BPIFA3: variants seen among roughly 807,000 people sequenced by gnomAD.
The protein encoded by BPIFA3 is BPI fold-containing family A member 3.
In BPIFA3, 32 loss-of-function variants were observed where a neutral mutation model predicts 29.7. The ratio of observed to expected loss-of-function variants is 1.08; its 90% CI spans 0.81 to 1.45. The LOEUF (loss-of-function observed/expected upper bound fraction) is 1.45, where lower values mean the gene tolerates loss of function less well. BPIFA3 is among the 40% of genes most tolerant of loss of function. The pLI is 0.00. For synonymous variants in BPIFA3, 112 were observed against 113.7 expected (o/e 0.98, Z 0.10); for missense variants, 323 against 311.3 (o/e 1.04, Z -0.28).
intron 1 of BPIFA3, among the ~76,000 whole-genome samples, chr20:33,219,054 T>C (rs908898649): frequency 6.6e-6 from 1 of 152,110 alleles, no homozygotes; most frequent in Non-Finnish European, 1.5e-5. Context: ...TACAGGTGCA[T>C]GCCACCATGC....
In BPIFA3 at chr20:33,226,967, A is replaced by G; in HGVS notation, c.659A>G (p.Asp220Gly). 6.2e-7 allele frequency: 1 copy of G among 1,614,078 alleles called. No individual in the cohort carries two copies. Among genetic ancestry groups the G allele is most frequent in the Non-Finnish European group, 8.5e-7 (1 of 1,179,968 alleles). Reference protein sequence around the residue: ...PLIGEILGQLDVKLLKSLIEQ... With the variant: ...PLIGEILGQLGVKLLKSLIEQ... ...ATCGGTGAAATCCTCGGGCAGCTGG[A>G]TGTGAAACTGTTGAAAAGCCTCATA... The change falls in exon 6 of 7, where the codon GAT becomes GGT. Residue 220 changes from aspartate to glycine, a missense_variant. Asp to Gly is a moderately conservative substitution (Grantham distance 94). Coordinates refer to ENST00000375454, the MANE Select transcript of BPIFA3 (RefSeq NM_178466.5).
At position 33,227,010 on chromosome 20, in the gene BPIFA3, T is replaced by A. The variant is rs1985814181; in HGVS notation, c.685+17T>A. ...GCCTCATAGGTGAGTGTCTGGTCCATCCAGTGAGGACTTCTTAGGACTGGC... is the reference window on the plus strand; with the variant it reads ...GCCTCATAGGTGAGTGTCTGGTCCAACCAGTGAGGACTTCTTAGGACTGGC... On this transcript the variant is annotated intron_variant, in intron 6 of 6. Coordinates refer to ENST00000375454, the MANE Select transcript of BPIFA3 (RefSeq NM_178466.5). 6.2e-7 allele frequency: 1 copy of A among 1,608,810 alleles called. No individual in the cohort carries two copies. Among genetic ancestry groups the A allele is most frequent in the South Asian group, 1.1e-5 (1 of 90,974 alleles).
chr20:33,223,639 C>A, intron 1 of BPIFA3, 172 bp from the exon 2 acceptor site: 1 of 687,990 alleles, frequency 1.5e-6, no homozygotes, highest in Non-Finnish European at 2.4e-6. Context: ...ATCAATCTTG[C>A]AAAGCATAAT....
intron 1 of BPIFA3, among the ~76,000 whole-genome samples, chr20:33,218,516 G>T (rs1040016126): frequency 6.6e-6 from 1 of 152,192 alleles, no homozygotes; most frequent in African/African-American, 2.4e-5. Flanking sequence ...AGTTCTGGAG[G>T]CTGGAAGTCC....
At position 33,224,020 on chromosome 20, in the gene BPIFA3, G is replaced by A. The variant is rs1985657313; in HGVS notation, c.278+59G>A. The stretch of plus-strand genomic sequence containing the variant: ...CTCTTTATAGAGCTCTAGATCGAAG[G>A]GTAGAGCTGATGGGGGGCTGGGGAG... On this transcript the variant is annotated intron_variant, in intron 2 of 6. Transcript: ENST00000375454. 1.9e-6 allele frequency: 3 copies of A among 1,577,986 alleles called. No homozygotes were observed. The South Asian group carries it at 3.4e-5, about 18-fold the overall frequency.
intron 6 of BPIFA3, 69 bp downstream of exon 6, chr20:33,227,062 C>A: frequency 1.4e-6 from 2 of 1,432,630 alleles, no homozygotes; most frequent in East Asian, 4.5e-5. Context: ...TACCCCCGGC[C>A]CTGGAGCCCC....
rs1985311155 is a variant in BPIFA3, at chr20:33,217,536, T to C, written c.-1T>C. 1 of 1,613,844 alleles carries C rather than the reference T, an allele frequency of 6.2e-7. No homozygotes were observed. The highest frequency in any genetic ancestry group is 1.7e-5 in the Admixed American group (1 of 59,988). On this transcript the variant is annotated 5_prime_UTR_variant, in exon 1 of 7. Coordinates refer to ENST00000375454, the MANE Select transcript of BPIFA3 (RefSeq NM_178466.5). ...CTTGACATCTGCAGGTCCCAGACCC[T>C]ATGATGTGTCCACTCTGGAGGCTCC... is the stretch of plus-strand genomic sequence containing the variant.
intron 1 of BPIFA3, among the ~76,000 whole-genome samples, 159 bp downstream of exon 1, chr20:33,217,822 G>C (rs1447458091): frequency 1.3e-5 from 2 of 152,188 alleles, no homozygotes; most frequent in African/African-American, 4.8e-5. Context: ...AGGTTGTGTT[G>C]ATCATATGCC....
chr20:33,225,262 G>GC lies in BPIFA3; in HGVS notation c.536+19dup. ...ATCCTCACTGAGTAAGACCCCAGCTGCCCCTCCCCAGAGCTGGGCCTCCTT... is the reference window on the plus strand; with the variant it reads ...ATCCTCACTGAGTAAGACCCCAGCTGCCCCCTCCCCAGAGCTGGGCCTCCTT... On this transcript the variant is annotated intron_variant, in intron 4 of 6. Coordinates refer to ENST00000375454, the MANE Select transcript of BPIFA3 (RefSeq NM_178466.5). The GC allele has an allele frequency of 6.2e-7, 1 of 1,612,908 alleles. No individual in the cohort carries two copies. Among genetic ancestry groups the GC allele is most frequent in the Non-Finnish European group, 8.5e-7 (1 of 1,179,880 alleles).
At chr20:33,226,307 G>T in intron 4 of BPIFA3, 99 bp from the exon 5 acceptor site, 1 of 851,314 alleles carries the variant, frequency 1.2e-6, no homozygotes, top group Non-Finnish European at 1.9e-6. Context: ...GCTGAGTGAG[G>T]ACTAAAAGAC....
intron 1 of BPIFA3, among the ~76,000 whole-genome samples, chr20:33,222,515 A>G (rs922400262): frequency 2.0e-5 from 3 of 152,168 alleles, no homozygotes; most frequent in Admixed American, 6.5e-5. Context: ...GATGAGGAAA[A>G]TAGAATGAAT....
intron 5 of BPIFA3, 115 bp downstream of exon 5, chr20:33,226,605 T>C (rs1268693178): frequency 2.5e-6 from 2 of 800,112 alleles, no homozygotes; most frequent in Non-Finnish European, 4.0e-6. Flanking sequence ...GCTTGAAAAA[T>C]CTCAATTTAA....
intron 3 of BPIFA3, among the ~76,000 whole-genome samples, 183 bp downstream of exon 3, chr20:33,224,645 C>T (rs765468852): frequency 6.6e-6 from 1 of 152,154 alleles, no homozygotes; most frequent in Non-Finnish European, 1.5e-5. Flanking sequence ...AATATGATGA[C>T]AATCATTAGT....
In BPIFA3 at chr20:33,227,716, A is replaced by T; in HGVS notation, c.*99A>T. On this transcript the variant is annotated 3_prime_UTR_variant, in exon 7 of 7. Transcript: ENST00000375454. ...AAAAACTTTACCCCAGGCTCTGTGG[A>T]CATACCATCCTCTCCTACAATAAAC... 1 of 957,138 alleles carries T rather than the reference A, an allele frequency of 1.0e-6. No individual in the cohort carries two copies. The highest frequency in any genetic ancestry group is 1.4e-5 in the South Asian group (1 of 69,782). 59.3% of individuals were successfully genotyped at this position (957,138 alleles called of 1,614,324 possible).
intron 1 of BPIFA3, among the ~76,000 whole-genome samples, chr20:33,219,555 T>C (rs1985414827): frequency 6.6e-6 from 1 of 152,252 alleles, no homozygotes; most frequent in African/African-American, 2.4e-5. Context: ...CTCTGGAGGC[T>C]ATCTTTATGT....
intron 5 of BPIFA3, 142 bp from the exon 6 acceptor site, chr20:33,226,788 T>C: frequency 4.6e-6 from 4 of 861,642 alleles, no homozygotes; most frequent in Non-Finnish European, 7.5e-6. Context: ...GAGCAGGTAG[T>C]TGGCGCTCAC....
At chr20:33,225,385 G>A (rs886579752) in intron 4 of BPIFA3, 138 bp downstream of exon 4, 57 of 1,254,402 alleles carry the variant, frequency 4.5e-5, no homozygotes, top group Non-Finnish European at 6.1e-5. Flanking sequence ...CTCCTCCCAT[G>A]TTCCCATCCG....
rs762796606 is a variant in BPIFA3 at position 33,225,126 on chromosome 20, T to G, written c.415T>G (p.Cys139Gly). ...CTTCGATAACAACATCGTAAAGATG[T>G]GTGCACATATGAGCATCGTTGTGGA... ...PSFDNNIVKM[C>G]AHMSIVVEFW... The change falls in exon 4 of 7, where the codon TGT becomes GGT. Residue 139 changes from cysteine to glycine, a missense_variant. Coordinates refer to ENST00000375454, the MANE Select transcript of BPIFA3 (RefSeq NM_178466.5). 1 of 1,614,180 alleles carries G rather than the reference T, an allele frequency of 6.2e-7. No individual in the cohort carries two copies. Among genetic ancestry groups the G allele is most frequent in the Non-Finnish European group, 8.5e-7 (1 of 1,180,030 alleles).
intron 1 of BPIFA3, among the ~76,000 whole-genome samples, chr20:33,219,944 T>A (rs1484610081): frequency 6.6e-6 from 1 of 151,418 alleles, no homozygotes; most frequent in African/African-American, 2.4e-5. Flanking sequence ...AAAATAAAAT[T>A]AGAAAATTAG....
Sources: allele counts gnomAD v4.1 joint callset (sites outside exome capture counted in the v4.1 genomes callset), GRCh38; gene constraint gnomAD v4.1.1; transcripts MANE v1.5; gene names NCBI Gene and HGNC (gene_info 2026-07-23, HGNC 2026-07-21).